EBF1: variants seen among roughly 807,000 people sequenced by gnomAD.
The protein encoded by EBF1 is transcription factor COE1.
EBF1 carries 10 observed loss-of-function variants against 68.4 expected under a neutral mutation model. The observed-to-expected ratio is 0.15, with a 90% CI of 0.09 to 0.25. The LOEUF is 0.25. EBF1 is among the 10% of genes least tolerant of loss of function. EBF1 has a pLI of 1.00. For synonymous variants in EBF1, 298 were observed against 299.8 expected, an observed-to-expected ratio of 0.99 and a Z score of 0.06; for missense variants, 509 against 794.4, an observed-to-expected ratio of 0.64 and a Z score of 4.32.
chr5:158,790,884 T>A (rs1356515777), intron 9 of EBF1, among the ~76,000 whole-genome samples: 1 of 152,204 alleles, frequency 6.6e-6, no homozygotes, highest in African/African-American at 2.4e-5. Context: ...TTTAAATAAT[T>A]CTTTTGCAAA....
intron 6 of EBF1, among the ~76,000 whole-genome samples, chr5:158,863,087 T>C (rs31199): frequency 0.77 from 117,557 of 152,100 alleles, 45,940 homozygotes; most frequent in South Asian, 0.88. Flanking sequence ...AAATCTCTTG[T>C]CCCCTATCCT....
intron 6 of EBF1, chr5:158,985,870 G>A: frequency 6.6e-6 from 1 of 152,348 alleles, no homozygotes; most frequent in East Asian, 1.9e-4. Flanking sequence ...AAGAAGGTAT[G>A]ATTCCTTGAC....
chr5:159,062,893 G>A (rs1221060635), intron 6 of EBF1, among the ~76,000 whole-genome samples: 7 of 152,194 alleles, frequency 4.6e-5, no homozygotes, highest in Non-Finnish European at 1.0e-4. Context: ...CAATTAAACA[G>A]TTAGGCAATG....
chr5:159,026,722 G>A (rs1022074300), intron 6 of EBF1, among the ~76,000 whole-genome samples: 11 of 152,250 alleles, frequency 7.2e-5, no homozygotes, highest in African/African-American at 2.6e-4. Context: ...CCTAGACATC[G>A]AAATCTACTA....
chr5:158,876,052 A>T (rs1249006455), intron 6 of EBF1, among the ~76,000 whole-genome samples: 1 of 152,212 alleles, frequency 6.6e-6, no homozygotes, highest in Non-Finnish European at 1.5e-5. Flanking sequence ...TTCTGATCCA[A>T]CTGCTTCATT....
intron 5 of EBF1, among the ~76,000 whole-genome samples, chr5:159,079,454 A>G (rs1023998279): frequency 2.0e-5 from 3 of 152,110 alleles, no homozygotes; most frequent in East Asian, 3.9e-4. Flanking sequence ...CAACCACATA[A>G]TACGGGCATC....
chr5:158,810,073 GT>G (rs2127791745), intron 8 of EBF1, among the ~76,000 whole-genome samples: 1 of 152,240 alleles, frequency 6.6e-6, no homozygotes, highest in Non-Finnish European at 1.5e-5. Flanking sequence ...GGAATATGAG[GT>G]TTGACTTTAT....
intron 6 of EBF1, among the ~76,000 whole-genome samples, chr5:159,047,755 C>A (rs1238842178): frequency 6.6e-6 from 1 of 152,190 alleles, no homozygotes; most frequent in Non-Finnish European, 1.5e-5. Context: ...GTACCCATTG[C>A]CACATACCCC....
At chr5:158,838,658 T>G (rs1182931620) in intron 7 of EBF1, among the ~76,000 whole-genome samples, 1 of 152,126 alleles carries the variant, frequency 6.6e-6, no homozygotes, top group Non-Finnish European at 1.5e-5. Context: ...TATTGACATC[T>G]CCAATCAATG....
chr5:158,913,998 T>A (rs573883540), intron 6 of EBF1, among the ~76,000 whole-genome samples: 1 of 152,188 alleles, frequency 6.6e-6, no homozygotes, highest in Non-Finnish European at 1.5e-5. Flanking sequence ...AGACCAGATA[T>A]CAATAATTTC....
rs180886497 is a variant in EBF1, at chr5:158,869,780, G to A, written c.555-29670C>T. 1.2e-4 allele frequency among the ~76,000 whole-genome samples: 18 copies of A among 152,236 alleles called. No homozygotes were observed. In the East Asian group the frequency reaches 3.1e-3, roughly 26 times the overall value. ...TGATCTTGTGAACACTGGAAAGACT[G>A]TCTTTATTCTTTCATGAAGATAATT... On this transcript the variant is annotated intron_variant, in intron 6 of 15. Transcript: ENST00000313708.
chr5:158,878,155 A>G (rs1798143277), intron 6 of EBF1, among the ~76,000 whole-genome samples: 1 of 152,034 alleles, frequency 6.6e-6, no homozygotes, highest in African/African-American at 2.4e-5. Context: ...CCTAGTAATA[A>G]ATCACCTATG....
intron 6 of EBF1, among the ~76,000 whole-genome samples, chr5:158,841,302 A>G (rs1381926148): frequency 6.6e-6 from 1 of 152,200 alleles, no homozygotes; most frequent in Non-Finnish European, 1.5e-5. Context: ...AGCAGCTACT[A>G]AAAGTGTCAT....
intron 6 of EBF1, among the ~76,000 whole-genome samples, chr5:158,946,393 TG>T (rs1371642950): frequency 6.6e-6 from 1 of 152,238 alleles, no homozygotes; most frequent in African/African-American, 2.4e-5. Flanking sequence ...TTTTTGATGT[TG>T]ATACTATTGC....
At position 158,712,952 on chromosome 5, in the gene EBF1, G is replaced by GA. The variant is rs1204596861; in HGVS notation, c.1369+17dup. The GA allele has an allele frequency of 7.1e-7, 1 of 1,417,408 alleles. No individual in the cohort carries two copies. Among genetic ancestry groups the GA allele is most frequent in the Non-Finnish European group, 9.3e-7 (1 of 1,075,434 alleles). The allele number at this position is 1,417,408 out of a possible 1,614,324, so 87.8% of individuals were successfully genotyped here. A position where few individuals can be genotyped will look rare whatever the true frequency, so the allele number is the denominator to read the frequency against. On this transcript the variant is annotated intron_variant, in intron 13 of 15. Transcript: ENST00000313708. ...GGTGCTTAAGGTTGGGGAGGGAAGA[G>GA]AAAAGCAAGCTTCTGACCCTGATTG...
At chr5:159,022,044 T>C (rs1766788882) in intron 6 of EBF1, among the ~76,000 whole-genome samples, 1 of 126,084 alleles carries the variant, frequency 7.9e-6, no homozygotes, top group Non-Finnish European at 1.6e-5. Context: ...AAAGGAACAT[T>C]TGTCAGCACG....
At chr5:158,869,583 AC>A (rs1796523864) in intron 6 of EBF1, among the ~76,000 whole-genome samples, 1 of 11,718 alleles carries the variant, frequency 8.5e-5, no homozygotes, top group South Asian at 8.9e-3. Flanking sequence ...TAATAAACAC[AC>A]ACACACACAC....
At chr5:158,882,800 G>C (rs1157784422) in intron 6 of EBF1, among the ~76,000 whole-genome samples, 1 of 152,240 alleles carries the variant, frequency 6.6e-6, no homozygotes, top group Non-Finnish European at 1.5e-5. Flanking sequence ...ACATGTTGCT[G>C]TGTTACACAC....
intron 6 of EBF1, among the ~76,000 whole-genome samples, chr5:158,955,098 G>A (rs1473294506): frequency 6.6e-6 from 1 of 152,142 alleles, no homozygotes; most frequent in Non-Finnish European, 1.5e-5. Context: ...GCCGAGGAGG[G>A]CGGATCACGA....
Sources: allele counts gnomAD v4.1 joint callset (sites outside exome capture counted in the v4.1 genomes callset), GRCh38; gene constraint gnomAD v4.1.1; transcripts MANE v1.5; gene names NCBI Gene and HGNC (gene_info 2026-07-23, HGNC 2026-07-21).